KDM4B: variants seen among roughly 807,000 people sequenced by gnomAD.
KDM4B encodes the protein lysine-specific demethylase 4B.
In KDM4B, 32 loss-of-function variants were observed where a neutral mutation model predicts 125.2. The observed-to-expected ratio is 0.26, with a 90% CI of 0.19 to 0.34. The LOEUF (loss-of-function observed/expected upper bound fraction) is 0.34. Among genes scored for constraint, KDM4B ranks in the 10% least tolerant of loss-of-function variants. The pLI, the probability that KDM4B is intolerant of heterozygous loss-of-function variation, is 1.00. For synonymous variants in KDM4B, 721 were observed against 677.9 expected, an observed-to-expected ratio of 1.06 and a Z score of -0.99; for missense variants, 1,190 against 1,577.7, an observed-to-expected ratio of 0.75 and a Z score of 4.16.
intron 7 of KDM4B, among the ~76,000 whole-genome samples, chr19:5,073,243 G>A (rs551168851): frequency 1.3e-5 from 2 of 152,374 alleles, no homozygotes; most frequent in East Asian, 3.9e-4. Context: ...ACCTCACTGA[G>A]CGGTCAGGGA....
chr19:5,110,233 G>A (rs1458089926), intron 9 of KDM4B, among the ~76,000 whole-genome samples: 1 of 152,242 alleles, frequency 6.6e-6, no homozygotes, highest in Non-Finnish European at 1.5e-5. Context: ...GGTTTTGGGA[G>A]ACTGAGGCAA....
rs2039245712 is a variant in KDM4B at position 5,115,930 on chromosome 19, A to C, written c.1116-3723A>C. Reference sequence around the variant, plus strand: ...TCTAGCCCCTGATAGGAGTTTCAGAAAAAGAAAAGTGTCCCGGGACCCAAA... The same window carrying C: ...TCTAGCCCCTGATAGGAGTTTCAGACAAAGAAAAGTGTCCCGGGACCCAAA... On this transcript the variant is annotated intron_variant, in intron 10 of 22. Transcript: ENST00000159111. This position sits in a 1 kb window ranked among gnomAD's most constrained non-coding sequence, Gnocchi z 4.2. 6.6e-6 allele frequency among the ~76,000 whole-genome samples: 1 copy of C among 152,196 alleles called. No individual in the cohort carries two copies. Among genetic ancestry groups the C allele is most frequent in the African/African-American group, 2.4e-5 (1 of 41,446 alleles).
intron 13 of KDM4B, among the ~76,000 whole-genome samples, chr19:5,133,594 G>A (rs2039596115): frequency 6.6e-6 from 1 of 152,230 alleles, no homozygotes; most frequent in Admixed American, 6.5e-5. Flanking sequence ...GGTGTTGGGG[G>A]AGGGGCTCAG....
At chr19:5,083,301 C>T (rs749206091) in intron 9 of KDM4B, among the ~76,000 whole-genome samples, 7 of 152,204 alleles carry the variant, frequency 4.6e-5, no homozygotes, top group African/African-American at 9.6e-5. Context: ...CTGCTGGGCA[C>T]GGGTGGGACG....
At chr19:5,012,832 C>A (rs879321757) in intron 1 of KDM4B, among the ~76,000 whole-genome samples, 2 of 152,230 alleles carry the variant, frequency 1.3e-5, no homozygotes, top group Admixed American at 6.5e-5. Flanking sequence ...ATCCTCTCCC[C>A]GGGATGCTGC....
At chr19:5,028,980 G>A (rs959942872) in intron 2 of KDM4B, among the ~76,000 whole-genome samples, 3 of 152,166 alleles carry the variant, frequency 2.0e-5, no homozygotes, top group Non-Finnish European at 4.4e-5. Flanking sequence ...GTGCAATCTT[G>A]GCTCACTGCA....
chr19:5,138,570 C>T (rs897064488), intron 18 of KDM4B: 60 of 158,716 alleles, frequency 3.8e-4, no homozygotes, highest in African/African-American at 1.4e-3. Context: ...GTGGGAGGAT[C>T]GCCTGAGCCC....
At chr19:5,066,337 C>A (rs1417475763) in intron 6 of KDM4B, among the ~76,000 whole-genome samples, 1 of 151,688 alleles carries the variant, frequency 6.6e-6, no homozygotes, top group Non-Finnish European at 1.5e-5. Flanking sequence ...CCACCCACTG[C>A]CCCTGTGCCG....
At chr19:5,124,577 C>T (rs1260568998) in intron 11 of KDM4B, among the ~76,000 whole-genome samples, 2 of 152,170 alleles carry the variant, frequency 1.3e-5, no homozygotes, top group Non-Finnish European at 2.9e-5. Flanking sequence ...AACTGGCTAG[C>T]AAAGGACTGT....
intron 1 of KDM4B, among the ~76,000 whole-genome samples, chr19:4,995,762 A>G (rs1466005031): frequency 1.3e-5 from 2 of 151,634 alleles, no homozygotes; most frequent in African/African-American, 4.9e-5. Flanking sequence ...GCTCCCTTTA[A>G]ATACTCGTTG....
chr19:5,123,818 G>C (rs899957947), intron 11 of KDM4B, among the ~76,000 whole-genome samples: 1 of 152,242 alleles, frequency 6.6e-6, no homozygotes, highest in African/African-American at 2.4e-5. Context: ...CTGAGCAGGA[G>C]TCTGTGTTTG....
At chr19:4,998,754 TC>T (rs2035278271) in intron 1 of KDM4B, among the ~76,000 whole-genome samples, 1 of 152,184 alleles carries the variant, frequency 6.6e-6, no homozygotes, top group Non-Finnish European at 1.5e-5. Context: ...TGAGTCTGTC[TC>T]TGGGTTCTCT....
chr19:5,038,238 G>GCACA lies in KDM4B; in HGVS notation c.142-1598_142-1597insCACA, dbSNP rs2036692418. On this transcript the variant is annotated intron_variant, in intron 3 of 22. Coordinates refer to ENST00000159111, the MANE Select transcript of KDM4B (RefSeq NM_015015.3). ...TGGGTGTGGCAGCCCCGGAGCGGCT[G>GCACA]GGAGGGCCTGCACAGAAGGGTGCCT... Among the ~76,000 whole-genome samples, 4 of 152,338 alleles carry GCACA rather than the reference G, an allele frequency of 2.6e-5. No individual in the cohort carries two copies. The South Asian group carries it at 8.3e-4, about 32-fold the overall frequency.
chr19:4,980,421 C>CTTTTT (rs572345837), intron 1 of KDM4B, among the ~76,000 whole-genome samples: 46 of 109,720 alleles, frequency 4.2e-4, no homozygotes, highest in Non-Finnish European at 5.9e-4. Flanking sequence ...CCTTTTCTTT[C>CTTTTT]TTTTTTTTTT....
intron 1 of KDM4B, among the ~76,000 whole-genome samples, chr19:5,008,816 T>G (rs2035641566): frequency 6.6e-6 from 1 of 151,038 alleles, no homozygotes; most frequent in Non-Finnish European, 1.5e-5. Context: ...CTGGCCAGGC[T>G]GGTATCGAAC....
At chr19:5,066,319 G>A (rs2613765) in intron 6 of KDM4B, among the ~76,000 whole-genome samples, 64,020 of 150,052 alleles carry the variant, frequency 0.43, 14,364 homozygotes, top group East Asian at 0.69. Context: ...CCACCTGCCC[G>A]TGCCCACCCA....
intron 4 of KDM4B, 62 bp downstream of exon 4, chr19:5,040,073 G>A (rs1302420145): frequency 1.3e-6 from 2 of 1,506,012 alleles, no homozygotes; most frequent in Non-Finnish European, 9.0e-7. Flanking sequence ...GCTCATGGGG[G>A]CCCTGGGGGC....
intron 18 of KDM4B, among the ~76,000 whole-genome samples, chr19:5,138,951 C>T (rs536908402): frequency 6.6e-6 from 1 of 152,326 alleles, no homozygotes; most frequent in East Asian, 1.9e-4. Context: ...GACAGGGTCT[C>T]TCACTCTGTT....
At chr19:5,095,769 G>A (rs1051565779) in intron 9 of KDM4B, among the ~76,000 whole-genome samples, 14 of 152,212 alleles carry the variant, frequency 9.2e-5, no homozygotes, top group African/African-American at 2.9e-4. Context: ...GAGAGGGCCC[G>A]GAGCAGCCAG....
Sources: gnomAD v4.1 joint callset for allele counts (sites outside exome capture counted in the v4.1 genomes callset) on GRCh38, gnomAD v4.1.1 for gene constraint, Gnocchi (gnomAD v3.1) non-coding constraint, MANE v1.5 for transcripts, NCBI Gene and HGNC (gene_info 2026-07-23, HGNC 2026-07-21) for gene names.